Variants in RBPJ observed in about 807,000 individuals in gnomAD.
The protein encoded by RBPJ is recombining binding protein suppressor of hairless.
RBPJ carries 9 observed loss-of-function variants against 67.8 expected under a neutral mutation model. That is an observed-to-expected ratio of 0.13 (90% CI 0.08 to 0.23). The LOEUF (loss-of-function observed/expected upper bound fraction) is 0.23. Among genes scored for constraint, RBPJ ranks in the 10% least tolerant of loss-of-function variants. RBPJ has a pLI of 1.00. For synonymous variants in RBPJ, 198 were observed against 203.3 expected, an observed-to-expected ratio of 0.97 and a Z score of 0.22; for missense variants, 305 against 595.6, an observed-to-expected ratio of 0.51 and a Z score of 5.08.
In RBPJ at chr4:26,197,988, C is replaced by T. The variant is rs188465196; in HGVS notation, c.-167+34374C>T. On this transcript the variant is annotated intron_variant, in intron 1 of 4. Transcript: ENST00000512351. The stretch of plus-strand genomic sequence containing the variant: ...ATGAGGCAGGCCGGGCGCAGTGGCT[C>T]ACTTCACACCTGTAATCCCAGCACT... Among the ~76,000 whole-genome samples the T allele has an allele frequency of 2.6e-4, 39 of 152,162 alleles. 1 individual carries two copies. Among genetic ancestry groups the T allele is most frequent in the Admixed American group, 2.3e-3 (35 of 15,282 alleles).
chr4:26,158,804 C>T (rs1238201756), upstream of RBPJ, among the ~76,000 whole-genome samples: 1 of 152,230 alleles, frequency 6.6e-6, no homozygotes, highest in African/African-American at 2.4e-5. Flanking sequence ...AGTTCTGATT[C>T]TTCACTACTT....
At chr4:26,146,560 T>C in the RBPJ span, among the ~76,000 whole-genome samples, 1 of 152,162 alleles carries the variant, frequency 6.6e-6, no homozygotes, top group Non-Finnish European at 1.5e-5. Flanking sequence ...CCTCAAACAT[T>C]TTTGTGCTTC....
Position 26,431,103 on chromosome 4 carries a change from A to T in RBPJ, c.*96A>T. 2 of 1,126,740 alleles carry T rather than the reference A, an allele frequency of 1.8e-6. No individual in the cohort carries two copies. The highest frequency in any genetic ancestry group is 2.5e-6 in the Non-Finnish European group (2 of 795,632). 69.8% of individuals were successfully genotyped at this position (1,126,740 alleles called of 1,614,324 possible). A position where few individuals can be genotyped will look rare whatever the true frequency, so the allele number is the denominator to read the frequency against. On this transcript the variant is annotated 3_prime_UTR_variant, in exon 11 of 11. Transcript: ENST00000355476. The stretch of plus-strand genomic sequence containing the variant: ...GAACAATCGTTTGTGGTTTCTTGGG[A>T]AAACTTTTCATACCAGGTGATACTA...
chr4:26,427,054 G>A (rs1009554758), intron 7 of RBPJ, among the ~76,000 whole-genome samples: 2 of 152,194 alleles, frequency 1.3e-5, no homozygotes, highest in East Asian at 1.9e-4. Context: ...CAATGCGGCC[G>A]TGGAAGCAGA....
chr4:26,140,019 C>A, the RBPJ span, among the ~76,000 whole-genome samples: 13 of 152,162 alleles, frequency 8.5e-5, no homozygotes, highest in Admixed American at 8.5e-4. Context: ...CCACTACACC[C>A]AAATTTAGGA....
intron 1 of RBPJ, among the ~76,000 whole-genome samples, chr4:26,379,154 A>G (rs1730059812): frequency 6.6e-6 from 1 of 152,140 alleles, no homozygotes; most frequent in Non-Finnish European, 1.5e-5. Flanking sequence ...TGTCTTTGAA[A>G]TCTACCCCAT....
chr4:26,346,399 C>T (rs1468409398), intron 1 of RBPJ, among the ~76,000 whole-genome samples: 3 of 152,112 alleles, frequency 2.0e-5, no homozygotes, highest in Non-Finnish European at 4.4e-5. Context: ...GGAAGGCTGG[C>T]TGCCTAATCT....
chr4:26,134,100 AT>A, the RBPJ span, among the ~76,000 whole-genome samples: 4 of 152,040 alleles, frequency 2.6e-5, no homozygotes, highest in Non-Finnish European at 5.9e-5. Flanking sequence ...TCCCCCTGAA[AT>A]TTCCTGGGTC....
intron 1 of RBPJ, among the ~76,000 whole-genome samples, chr4:26,164,122 C>T (rs989271469): frequency 1.1e-5 from 1 of 93,318 alleles, no homozygotes; most frequent in Non-Finnish European, 1.9e-5. Flanking sequence ...TGGTTGTTTA[C>T]ATCTGAAAGC....
intron 1 of RBPJ, among the ~76,000 whole-genome samples, chr4:26,310,496 C>T (rs1227941024): frequency 6.6e-6 from 1 of 152,156 alleles, no homozygotes; most frequent in Non-Finnish European, 1.5e-5. Flanking sequence ...TTTGTATTCT[C>T]AGAAGCTCCT....
chr4:26,276,738 G>GTGAC (rs1721099410), intron 1 of RBPJ, among the ~76,000 whole-genome samples: 1 of 152,234 alleles, frequency 6.6e-6, no homozygotes, highest in African/African-American at 2.4e-5. Context: ...AGCTACAGGA[G>GTGAC]TGACTGTCTG....
intron 1 of RBPJ, among the ~76,000 whole-genome samples, chr4:26,350,467 T>C (rs998696824): frequency 1.3e-5 from 2 of 152,204 alleles, no homozygotes; most frequent in Non-Finnish European, 2.9e-5. Context: ...TACACTATTA[T>C]ATAAAATAAA....
intron 1 of RBPJ, among the ~76,000 whole-genome samples, chr4:26,200,466 T>A (rs1329411549): frequency 6.6e-6 from 1 of 152,034 alleles, no homozygotes; most frequent in Non-Finnish European, 1.5e-5. Flanking sequence ...CCCAGGAGTT[T>A]GTGACCAGCC....
At chr4:26,320,848 C>A, upstream of RBPJ, 1 of 1,568,150 alleles carries the variant, frequency 6.4e-7, no homozygotes, top group Middle Eastern at 1.7e-4. Context: ...GAGCAGGATC[C>A]CCTACTCTGC....
intron 1 of RBPJ, among the ~76,000 whole-genome samples, chr4:26,175,666 C>T (rs551618954): frequency 8.4e-4 from 128 of 152,274 alleles, no homozygotes; most frequent in Admixed American, 1.9e-3. Flanking sequence ...TCCTTCTGGC[C>T]CTGTGGTGTC....
chr4:26,411,582 T>C (rs1734022320), intron 3 of RBPJ, among the ~76,000 whole-genome samples: 1 of 152,058 alleles, frequency 6.6e-6, no homozygotes, highest in East Asian at 1.9e-4. Context: ...GTTGACTTTT[T>C]TTTTTTTAAA....
chr4:26,228,093 C>T (rs1295379314), intron 1 of RBPJ, among the ~76,000 whole-genome samples: 1 of 152,226 alleles, frequency 6.6e-6, no homozygotes, highest in Non-Finnish European at 1.5e-5. Flanking sequence ...ATCCCTTAAC[C>T]ATTTCACCTT....
chr4:26,171,513 G>A (rs1716583078), intron 1 of RBPJ, among the ~76,000 whole-genome samples: 1 of 152,200 alleles, frequency 6.6e-6, no homozygotes, highest in African/African-American at 2.4e-5. Flanking sequence ...AGGCTGCAGT[G>A]AGCCGTGATT....
intron 1 of RBPJ, among the ~76,000 whole-genome samples, chr4:26,202,836 G>A (rs1173966154): frequency 3.3e-5 from 5 of 151,944 alleles, no homozygotes; most frequent in African/African-American, 1.2e-4. Context: ...TTGAACCCAG[G>A]AGGTGGAGGT....
Sources: gnomAD v4.1 joint callset for allele counts (sites outside exome capture counted in the v4.1 genomes callset) on GRCh38, gnomAD v4.1.1 for gene constraint, MANE v1.5 for transcripts, NCBI Gene and HGNC (gene_info 2026-07-23, HGNC 2026-07-21) for gene names.